The following CDYL2 variants were observed in gnomAD, a reference collection of about 807,000 sequenced individuals.
CDYL2 encodes chromodomain Y like 2.
In CDYL2, 23 loss-of-function variants were observed where a neutral mutation model predicts 49.4. The observed-to-expected ratio is 0.47, with a 90% CI of 0.34 to 0.66. The LOEUF is 0.66. Among genes scored for constraint, CDYL2 ranks in the 30% least tolerant of loss-of-function variants. The pLI is 0.01. For synonymous variants in CDYL2, 360 were observed against 268.8 expected (o/e 1.34, Z -3.32); for missense variants, 678 against 656.4 (o/e 1.03, Z -0.36).
intron 1 of CDYL2, among the ~76,000 whole-genome samples, chr16:80,700,648 T>C (rs1250899288): frequency 1.3e-5 from 2 of 152,358 alleles, no homozygotes; most frequent in East Asian, 1.9e-4. Flanking sequence ...TAATACCCTA[T>C]GTTGGCAAGG....
intron 1 of CDYL2, among the ~76,000 whole-genome samples, chr16:80,732,649 C>T (rs1443637035): frequency 6.6e-6 from 1 of 152,116 alleles, no homozygotes; most frequent in Non-Finnish European, 1.5e-5. Flanking sequence ...AGAATGAATA[C>T]AATTTTAAAA....
chr16:80,723,177 G>C (rs539430977), intron 1 of CDYL2, among the ~76,000 whole-genome samples: 1 of 152,194 alleles, frequency 6.6e-6, no homozygotes, highest in Non-Finnish European at 1.5e-5. Flanking sequence ...AATTCCTGGA[G>C]AGAGGAAAAG....
intron 1 of CDYL2, chr16:80,742,453 G>GATGGATGC (rs1281799183): frequency 6.8e-5 from 8 of 117,892 alleles, no homozygotes; most frequent in Non-Finnish European, 1.3e-4. Context: ...ATGGATGGAG[G>GATGGATGC]ATGGATGCAT....
chr16:80,750,329 T>C (rs1403315567), intron 1 of CDYL2, among the ~76,000 whole-genome samples: 2 of 147,604 alleles, frequency 1.4e-5, no homozygotes, highest in Non-Finnish European at 3.0e-5. Flanking sequence ...CCAAGTAGGA[T>C]AAAATGATTA....
chr16:80,712,727 G>C (rs564992948), intron 1 of CDYL2, among the ~76,000 whole-genome samples: 3 of 152,248 alleles, frequency 2.0e-5, no homozygotes, highest in African/African-American at 7.2e-5. Flanking sequence ...GGGATGAATG[G>C]GAAATGCATG....
chr16:80,644,525 T>A (rs916904589), intron 2 of CDYL2, among the ~76,000 whole-genome samples: 5 of 152,168 alleles, frequency 3.3e-5, no homozygotes, highest in African/African-American at 1.2e-4. Context: ...AAAAGAGGTT[T>A]AATTGGACTT....
rs115757757 is a variant in CDYL2, at chr16:80,667,342, T to A, written c.616+17196A>T. Among the ~76,000 whole-genome samples, 848 of 152,316 alleles carry A rather than the reference T, an allele frequency of 5.6e-3. 11 individuals carry two copies. The highest frequency in any genetic ancestry group is 0.019 in the African/African-American group (804 of 41,556). ...CTGGACTGCTGTATTCTTTGTGATGTGTCAACAGGCACCCAGAGGCTGTCC... is the reference window on the plus strand; with the variant it reads ...CTGGACTGCTGTATTCTTTGTGATGAGTCAACAGGCACCCAGAGGCTGTCC... On this transcript the variant is annotated intron_variant, in intron 2 of 6. Transcript: ENST00000570137.
At chr16:80,775,978 G>A (rs1050483892) in intron 1 of CDYL2, among the ~76,000 whole-genome samples, 2 of 151,650 alleles carry the variant, frequency 1.3e-5, no homozygotes, top group African/African-American at 4.8e-5. Flanking sequence ...CAGTAACACT[G>A]CAAAAGAAGT....
chr16:80,671,400 A>G (rs1909502095), intron 2 of CDYL2, among the ~76,000 whole-genome samples: 1 of 152,198 alleles, frequency 6.6e-6, no homozygotes, highest in Non-Finnish European at 1.5e-5. Context: ...TGCCACAAGT[A>G]CAACAGGGGG....
intron 1 of CDYL2, among the ~76,000 whole-genome samples, chr16:80,706,404 A>C (rs537191393): frequency 7.9e-5 from 12 of 152,320 alleles, no homozygotes; most frequent in Non-Finnish European, 1.8e-4. Flanking sequence ...CTCAGCTTGA[A>C]TCTAGGCCTC....
At chr16:80,624,915 T>C (rs1907236012) in intron 3 of CDYL2, among the ~76,000 whole-genome samples, 1 of 151,908 alleles carries the variant, frequency 6.6e-6, no homozygotes, top group South Asian at 2.1e-4. Flanking sequence ...AAAACAGAGA[T>C]GGAAAATATA....
intron 1 of CDYL2, among the ~76,000 whole-genome samples, chr16:80,709,416 CA>C (rs1488816636): frequency 3.3e-5 from 5 of 151,588 alleles, no homozygotes; most frequent in Admixed American, 3.3e-4. Flanking sequence ...AAATTTGTTC[CA>C]ACACAATTTA....
intron 4 of CDYL2, among the ~76,000 whole-genome samples, chr16:80,613,205 G>A (rs1225636452): frequency 6.6e-6 from 1 of 152,062 alleles, no homozygotes; most frequent in African/African-American, 2.4e-5. Flanking sequence ...ATGTTAAGGT[G>A]CAGAAGCAGA....
intron 1 of CDYL2, among the ~76,000 whole-genome samples, chr16:80,712,462 C>A (rs2142513919): frequency 1.3e-5 from 2 of 152,078 alleles, no homozygotes; most frequent in African/African-American, 4.8e-5. Context: ...CGCCTCACAT[C>A]TCCCTGTTTC....
intron 1 of CDYL2, among the ~76,000 whole-genome samples, chr16:80,730,472 C>G (rs988614800): frequency 2.0e-5 from 3 of 152,016 alleles, no homozygotes; most frequent in African/African-American, 7.3e-5. Context: ...AGCTTGCCAA[C>G]CAAAAAGAGT....
chr16:80,620,121 C>G (rs60399012), intron 4 of CDYL2, among the ~76,000 whole-genome samples: 3,138 of 152,318 alleles, frequency 0.021, 122 homozygotes, highest in African/African-American at 0.073. Flanking sequence ...GCCGTAGTGT[C>G]TAGAAATGAC....
intron 1 of CDYL2, among the ~76,000 whole-genome samples, chr16:80,797,529 G>C (rs1194697831): frequency 6.6e-6 from 1 of 152,202 alleles, no homozygotes; most frequent in African/African-American, 2.4e-5. Context: ...TTTATGGAGA[G>C]AATACTCAAC....
chr16:80,711,935 G>A (rs1904610827), intron 1 of CDYL2, among the ~76,000 whole-genome samples: 2 of 150,652 alleles, frequency 1.3e-5, no homozygotes, highest in Non-Finnish European at 3.0e-5. Flanking sequence ...CAGGGGAGAA[G>A]GACACCCATA....
chr16:80,621,615 G>A (rs191812954), intron 3 of CDYL2, among the ~76,000 whole-genome samples: 325 of 152,374 alleles, frequency 2.1e-3, no homozygotes, highest in Admixed American at 5.2e-3. Flanking sequence ...GAAAGGAAAG[G>A]TTATGCTATG....
Sources: allele counts gnomAD v4.1 joint callset (sites outside exome capture counted in the v4.1 genomes callset), GRCh38; gene constraint gnomAD v4.1.1; transcripts MANE v1.5; gene names NCBI Gene and HGNC (gene_info 2026-07-23, HGNC 2026-07-21).